MYO7A: variants seen among roughly 807,000 people sequenced by gnomAD.
MYO7A encodes the protein unconventional myosin-VIIa.
In MYO7A, 210 loss-of-function variants were observed where a neutral mutation model predicts 263.8. The observed-to-expected ratio is 0.80, with a 90% confidence interval of 0.71 to 0.89. MYO7A has a LOEUF of 0.89. Ranked by LOEUF, MYO7A falls within the 40% of genes least tolerant of loss-of-function variation. The probability of loss-of-function intolerance (pLI) is 0.00; values close to 1 mark genes in which losing one functional copy is unlikely to be tolerated. For synonymous variants in MYO7A, 1,239 were observed against 1,197.3 expected, an observed-to-expected ratio of 1.03 and a Z score of -0.72; for missense variants, 2,820 against 2,968.3, an observed-to-expected ratio of 0.95 and a Z score of 1.16.
intron 15 of MYO7A, among the ~76,000 whole-genome samples, chr11:77,170,746 G>A (rs1483324079): frequency 1.3e-5 from 2 of 152,184 alleles, no homozygotes; most frequent in Non-Finnish European, 2.9e-5. Flanking sequence ...GGGGATGGAA[G>A]CAAAGAGACG....
At chr11:77,179,234 G>C in intron 20 of MYO7A, 105 bp downstream of exon 20, 1 of 992,614 alleles carries the variant, frequency 1.0e-6, no homozygotes, top group Non-Finnish European at 1.5e-6. Context: ...GCCTGGCCTC[G>C]TTGGCCTCCT....
At chr11:77,182,361 G>A (rs1461159904) in intron 24 of MYO7A, 63 bp from the exon 25 acceptor site, 14 of 1,523,000 alleles carry the variant, frequency 9.2e-6, no homozygotes, top group Non-Finnish European at 1.1e-5. Context: ...AAACCGCCAG[G>A]TCATTTTGAC....
At chr11:77,210,186 T>C (rs73497650) in intron 44 of MYO7A, among the ~76,000 whole-genome samples, 1,695 of 152,354 alleles carry the variant, frequency 0.011, 36 homozygotes, top group African/African-American at 0.039. Flanking sequence ...TTAATGTCTG[T>C]CCTTGCCCTG....
In MYO7A at chr11:77,182,017, G is replaced by A. The variant is rs781818766; in HGVS notation, c.2971G>A (p.Glu991Lys). The change falls in exon 24 of 49, where the codon GAG (glutamate) becomes AAG (lysine). Residue 991 changes from glutamate to lysine, a missense_variant. Physicochemically the swap from Glu to Lys is moderately conservative, Grantham distance 56. Coordinates refer to ENST00000409709, the MANE Select transcript of MYO7A (RefSeq NM_000260.4). ...DLDAALPLPD[E>K]DEEDLSEYKF... is the part of the protein sequence containing the mutation. Reference sequence around the variant, plus strand: ...GGATGCAGCCCTGCCCCTGCCTGACGAGGATGAGGAGGACCTCTCTGAGTA... The same window carrying A: ...GGATGCAGCCCTGCCCCTGCCTGACAAGGATGAGGAGGACCTCTCTGAGTA... The A allele has an allele frequency of 3.7e-6, 6 of 1,613,376 alleles. No homozygotes were observed. Among genetic ancestry groups the A allele is most frequent in the South Asian group, 2.2e-5 (2 of 91,064 alleles).
intron 5 of MYO7A, 79 bp downstream of exon 5, chr11:77,156,170 G>A: frequency 6.7e-7 from 1 of 1,494,290 alleles, no homozygotes; most frequent in East Asian, 2.4e-5. Context: ...GATACCTCTA[G>A]GAATTGCCCC....
chr11:77,180,521 C>A, intron 22 of MYO7A, 40 bp downstream of exon 22: 1 of 1,557,492 alleles, frequency 6.4e-7, no homozygotes, highest in Non-Finnish European at 8.8e-7. Flanking sequence ...TGTCCACTTG[C>A]TGGCTTGTCC....
At chr11:77,131,873 T>C (rs1222387564) in intron 2 of MYO7A, among the ~76,000 whole-genome samples, 1 of 152,248 alleles carries the variant, frequency 6.6e-6, no homozygotes, top group African/African-American at 2.4e-5. Context: ...GCTCTGCAGT[T>C]GCACAGGCCG....
chr11:77,168,303 C>A (rs1953751821), intron 15 of MYO7A, among the ~76,000 whole-genome samples: 1 of 152,210 alleles, frequency 6.6e-6, no homozygotes, highest in Non-Finnish European at 1.5e-5. Context: ...AGCCCAGAGT[C>A]TCCAGAAATG....
intron 16 of MYO7A, 120 bp from the exon 17 acceptor site, chr11:77,174,636 T>C: frequency 9.7e-7 from 1 of 1,034,278 alleles, no homozygotes; most frequent in Non-Finnish European, 1.4e-6. Flanking sequence ...CCAGCTTTGC[T>C]CCTCCCATGC....
intron 31 of MYO7A, among the ~76,000 whole-genome samples, 154 bp downstream of exon 31, chr11:77,192,432 G>A (rs1956164692): frequency 6.6e-6 from 1 of 152,162 alleles, no homozygotes; most frequent in African/African-American, 2.4e-5. Context: ...GATGGACACC[G>A]CCTACTTCAG....
intron 4 of MYO7A, among the ~76,000 whole-genome samples, chr11:77,153,744 G>A (rs1050031723): frequency 7.9e-5 from 12 of 152,224 alleles, no homozygotes; most frequent in Admixed American, 6.5e-4. Context: ...TAAATGTCAC[G>A]CCCTTTCACG....
At position 77,157,162 on chromosome 11, in the gene MYO7A, C is replaced by G. The variant is rs73495716; in HGVS notation, c.736-117C>G. 1.2e-3 allele frequency: 1,579 copies of G among 1,348,800 alleles called. 12 individuals are homozygous for G. The African/African-American group carries it at 0.021, about 18-fold the overall frequency. The allele number at this position is 1,348,800 out of a possible 1,614,324, so 83.6% of individuals were successfully genotyped here. A position where few individuals can be genotyped will look rare whatever the true frequency, so the allele number is the denominator to read the frequency against. ...CTGGAAATCCCACCATGAAACCCAC[C>G]GATGGGCTTCTCCACAAGCCATTTG... On this transcript the variant is annotated intron_variant, in intron 7 of 48. Coordinates refer to ENST00000409709, the MANE Select transcript of MYO7A (RefSeq NM_000260.4).
In MYO7A at chr11:77,181,508, C is replaced by T. The variant is rs1955181048; in HGVS notation, c.2823C>T (p.Asp941=). 6.2e-7 allele frequency: 1 copy of T among 1,613,548 alleles called. No individual in the cohort carries two copies. Among genetic ancestry groups the T allele is most frequent in the African/African-American group, 1.3e-5 (1 of 75,060 alleles). Residue 941 remains aspartate, a synonymous_variant, in exon 23 of 49, where the codon GAC becomes GAT. Transcript: ENST00000409709. ...GCCATGAGCCTGTCAATCACTCAGACATGGTGGACAAGATGTTTGGCTTCC... is the reference window on the plus strand; with the variant it reads ...GCCATGAGCCTGTCAATCACTCAGATATGGTGGACAAGATGTTTGGCTTCC... ...RARHEPVNHS[D]MVDKMFGFLG...
intron 44 of MYO7A, chr11:77,210,849 C>T (rs1004815782): frequency 3.4e-5 from 10 of 292,530 alleles, no homozygotes; most frequent in Non-Finnish European, 6.4e-5. Flanking sequence ...GCTGGTCACT[C>T]TGAGTTTCTT....
intron 7 of MYO7A, 29 bp from the exon 8 acceptor site, chr11:77,157,250 G>A: frequency 6.4e-7 from 1 of 1,559,550 alleles, no homozygotes; most frequent in East Asian, 2.3e-5. Context: ...CTCCTCCCCT[G>A]GCCCCCAGCA....
At chr11:77,147,229 C>T (rs1373427830) in intron 3 of MYO7A, among the ~76,000 whole-genome samples, 3 of 151,920 alleles carry the variant, frequency 2.0e-5, no homozygotes, top group Non-Finnish European at 4.4e-5. Context: ...CCCCCCTCCC[C>T]CTAATCTTTT....
In MYO7A at chr11:77,156,700, A is replaced by C; in HGVS notation, c.511A>C (p.Ile171Leu). ...CGGGAAGACGGAGAGCACAAAGCTGATCCTGCAGTTCCTGGCAGCCATCAG... is the reference window on the plus strand; with the variant it reads ...CGGGAAGACGGAGAGCACAAAGCTGCTCCTGCAGTTCCTGGCAGCCATCAG... ...GAGKTESTKLILQFLAAISGQ... is the reference protein window; with the variant it reads ...GAGKTESTKLLLQFLAAISGQ... Residue 171 changes from isoleucine to leucine, a missense_variant, in exon 6 of 49, where the codon ATC becomes CTC. Transcript: ENST00000409709. 1 of 1,613,932 alleles carries C rather than the reference A, an allele frequency of 6.2e-7. No individual in the cohort carries two copies. The highest frequency in any genetic ancestry group is 1.1e-5 in the South Asian group (1 of 91,068).
chr11:77,182,319 A>T, intron 24 of MYO7A, 105 bp from the exon 25 acceptor site: 1 of 1,452,000 alleles, frequency 6.9e-7, no homozygotes, highest in Non-Finnish European at 9.2e-7. Flanking sequence ...AGGGCTGACC[A>T]TGCGGGAGGG....
chr11:77,154,036 AC>A (rs1555059342), intron 4 of MYO7A, among the ~76,000 whole-genome samples: 1 of 152,020 alleles, frequency 6.6e-6, no homozygotes, highest in East Asian at 1.9e-4. Context: ...AATCTCTTGA[AC>A]CCAGGAGATG....
Sources: gnomAD v4.1 joint callset for allele counts (sites outside exome capture counted in the v4.1 genomes callset) on GRCh38, gnomAD v4.1.1 for gene constraint, MANE v1.5 for transcripts, NCBI Gene and HGNC (gene_info 2026-07-23, HGNC 2026-07-21) for gene names.